Variants in ATP2B4 observed in about 807,000 individuals in gnomAD.
The protein encoded by ATP2B4 is ATPase plasma membrane Ca2+ transporting 4.
A neutral mutation model predicts 110.3 loss-of-function variants in ATP2B4; 39 were observed. The ratio of observed to expected loss-of-function variants is 0.35; its 90% CI spans 0.27 to 0.46. ATP2B4 has a LOEUF of 0.46. ATP2B4 is among the 20% of genes least tolerant of loss of function. The pLI is 1.00. For synonymous variants in ATP2B4, 538 were observed against 571.7 expected (o/e 0.94, Z 0.84); for missense variants, 1,135 against 1,530.9 (o/e 0.74, Z 4.32).
intron 15 of ATP2B4, among the ~76,000 whole-genome samples, chr1:203,717,140 G>A (rs562494042): frequency 6.6e-6 from 1 of 152,072 alleles, no homozygotes; most frequent in Non-Finnish European, 1.5e-5. Flanking sequence ...AGAGGTTGCA[G>A]TGAGCCAAGA....
chr1:203,706,494 G>A (rs1005274540), intron 8 of ATP2B4, among the ~76,000 whole-genome samples: 1 of 152,210 alleles, frequency 6.6e-6, no homozygotes, highest in East Asian at 1.9e-4. Context: ...CTAAGAGTTA[G>A]TCATGCAGGT....
chr1:203,653,983 ATAT>A (rs1375471488), intron 1 of ATP2B4, among the ~76,000 whole-genome samples: 450 of 14,596 alleles, frequency 0.031, 3 homozygotes, highest in African/African-American at 0.073. Flanking sequence ...ATATATATAT[ATAT>A]TTTTTTTTTT....
In ATP2B4 at chr1:203,710,835, G is replaced by A. The variant is rs373639977; in HGVS notation, c.1800-42G>A. 5.0e-5 allele frequency: 72 copies of A among 1,448,306 alleles called. 1 individual carries two copies. The highest frequency in any genetic ancestry group is 6.8e-5 in the Non-Finnish European group (71 of 1,041,996). The allele number at this position is 1,448,306 out of a possible 1,614,324, so 89.7% of individuals were successfully genotyped here. On this transcript the variant is annotated intron_variant, in intron 11 of 20. Transcript: ENST00000357681. The stretch of plus-strand genomic sequence containing the variant: ...GTCAATGATTGTAGAAACGTATTGA[G>A]TGGGAAGGGAGACACCGCGTTCTTA...
chr1:203,703,312 G>A (rs1376965076), intron 7 of ATP2B4, among the ~76,000 whole-genome samples: 2 of 152,144 alleles, frequency 1.3e-5, no homozygotes, highest in Admixed American at 1.3e-4. Flanking sequence ...AGGAAGGATG[G>A]TTGTTTTAAT....
In ATP2B4 at chr1:203,713,015, GT is replaced by G. The variant is rs1571752989; in HGVS notation, c.2212-147del. 5 of 813,200 alleles carry G rather than the reference GT, an allele frequency of 6.1e-6. No homozygotes were observed. In the East Asian group the frequency reaches 1.2e-4, roughly 20 times the overall value. 50.4% of individuals were successfully genotyped at this position (813,200 alleles called of 1,614,324 possible). A position where few individuals can be genotyped will look rare whatever the true frequency, so the allele number is the denominator to read the frequency against. On this transcript the variant is annotated intron_variant, in intron 13 of 20. Coordinates refer to ENST00000357681, the MANE Select transcript of ATP2B4 (RefSeq NM_001684.5). The stretch of plus-strand genomic sequence containing the variant: ...ATCTACCCTTGGAGACTGGTTGGCT[GT>G]TTCATCTCTGCTTAATCCAGAATAA...
rs958498107 is a variant in ATP2B4 at position 203,723,999 on chromosome 1, G to A, written c.3132+11G>A. ...CTTCTGTGGGGCCAGGTGAGTACCGGCACACCCTCCTGGTGCATTCTCACA... is the reference window on the plus strand; with the variant it reads ...CTTCTGTGGGGCCAGGTGAGTACCGACACACCCTCCTGGTGCATTCTCACA... On this transcript the variant is annotated intron_variant, in intron 19 of 20. Coordinates refer to ENST00000357681, the MANE Select transcript of ATP2B4 (RefSeq NM_001684.5). 2 of 1,600,530 alleles carry A rather than the reference G, an allele frequency of 1.2e-6. No individual in the cohort carries two copies. Among genetic ancestry groups the A allele is most frequent in the African/African-American group, 1.3e-5 (1 of 74,338 alleles).
intron 15 of ATP2B4, among the ~76,000 whole-genome samples, chr1:203,719,245 A>AAAAAAAAAAAAG (rs1558050066): frequency 1.0e-5 from 1 of 98,794 alleles, no homozygotes; most frequent in African/African-American, 3.5e-5. Context: ...AAAAAAAAAA[A>AAAAAAAAAAAAG]GCAAGAGAGA....
intron 9 of ATP2B4, among the ~76,000 whole-genome samples, chr1:203,707,557 A>G (rs576467059): frequency 1.3e-5 from 2 of 152,086 alleles, no homozygotes; most frequent in African/African-American, 4.8e-5. Flanking sequence ...CAGCCTCCCA[A>G]GTAGCTGGGA....
rs1286198820 is a variant in ATP2B4, at chr1:203,699,725, C to T, written c.649+8C>T. On this transcript the variant is annotated splice_region_variant and intron_variant, in intron 4 of 20. Transcript: ENST00000357681. ...TTGCCCAAGTCAAATACGGTGAGAG[C>T]TCCGTGTTTCTTTTGCTTACCCCAC... 6.2e-7 allele frequency: 1 copy of T among 1,612,048 alleles called. No homozygotes were observed. The highest frequency in any genetic ancestry group is 8.5e-7 in the Non-Finnish European group (1 of 1,178,748).
At position 203,713,069 on chromosome 1, in the gene ATP2B4, C is replaced by A. The variant is rs1666058429; in HGVS notation, c.2212-96C>A. The A allele has an allele frequency of 2.3e-6, 3 of 1,311,788 alleles. No individual in the cohort carries two copies. In the Admixed American group the frequency reaches 5.2e-5, roughly 23 times the overall value. 81.3% of individuals were successfully genotyped at this position (1,311,788 alleles called of 1,614,324 possible). On this transcript the variant is annotated intron_variant, in intron 13 of 20. Transcript: ENST00000357681. ...CTTTCATGTGGGACTGTGGTGTACC[C>A]AATCTCCCAGTGACTCCAAGTGTAT...
At chr1:203,726,354 C>T (rs1016418719) in intron 19 of ATP2B4, among the ~76,000 whole-genome samples, 1 of 152,068 alleles carries the variant, frequency 6.6e-6, no homozygotes, top group Non-Finnish European at 1.5e-5. Flanking sequence ...AGGCATGAAC[C>T]GCTGCACCCA....
chr1:203,740,161 C>A lies in ATP2B4; in HGVS notation c.*307C>A. ...TGACAATCCTCTTGGCATCACCCCA[C>A]CCCACATTCTCCCCGATGTTCCTCT... On this transcript the variant is annotated 3_prime_UTR_variant, in exon 21 of 21. Transcript: ENST00000357681. 3.2e-6 allele frequency: 1 copy of A among 311,762 alleles called. No homozygotes were observed. Among genetic ancestry groups the A allele is most frequent in the Non-Finnish European group, 5.9e-6 (1 of 168,282 alleles). The allele number at this position is 311,762 out of a possible 1,614,324, so 19.3% of individuals were successfully genotyped here.
At chr1:203,689,222 G>A (rs986066063) in intron 2 of ATP2B4, among the ~76,000 whole-genome samples, 1 of 152,218 alleles carries the variant, frequency 6.6e-6, no homozygotes, top group East Asian at 1.9e-4. Flanking sequence ...GTGGCTTAAG[G>A]GGAAGAAGGA....
chr1:203,719,456 T>A (rs1324528218), intron 15 of ATP2B4, among the ~76,000 whole-genome samples: 1 of 151,980 alleles, frequency 6.6e-6, no homozygotes, highest in East Asian at 1.9e-4. Context: ...ATGACTATAA[T>A]CCCAGCACTT....
At chr1:203,736,523 G>A (rs1235245574) in intron 20 of ATP2B4, among the ~76,000 whole-genome samples, 3 of 151,380 alleles carry the variant, frequency 2.0e-5, no homozygotes, top group African/African-American at 7.3e-5. Context: ...GTCTTCACCT[G>A]CCCACTCATT....
chr1:203,634,659 C>T (rs1032011351), intron 1 of ATP2B4, among the ~76,000 whole-genome samples: 4 of 152,096 alleles, frequency 2.6e-5, no homozygotes, highest in African/African-American at 9.7e-5. Context: ...AGAAATGCAT[C>T]TCTTTGTTTG....
At chr1:203,738,706 T>A (rs1013686735) in intron 20 of ATP2B4, among the ~76,000 whole-genome samples, 3 of 152,220 alleles carry the variant, frequency 2.0e-5, no homozygotes, top group African/African-American at 7.2e-5. Flanking sequence ...GCACAGTTGC[T>A]GTGTATCAGA....
chr1:203,739,711 G>T lies in ATP2B4; in HGVS notation c.3475G>T (p.Ala1159Ser). The change falls in exon 21 of 21, where the codon GCT becomes TCT. Residue 1159 changes from alanine to serine, a missense_variant. Coordinates refer to ENST00000357681, the MANE Select transcript of ATP2B4 (RefSeq NM_001684.5). ...GGAAGAGGAGGAAAATCCTGACAAG[G>T]CTTCTAAGTTTGGGACTAGGGTGCT... The part of the protein sequence containing the change: ...DEEEEENPDK[A>S]SKFGTRVLLL... 6.2e-7 allele frequency: 1 copy of T among 1,614,130 alleles called. No homozygotes were observed. Among genetic ancestry groups the T allele is most frequent in the East Asian group, 2.2e-5 (1 of 44,878 alleles).
chr1:203,673,957 G>A (rs186482292), intron 1 of ATP2B4, among the ~76,000 whole-genome samples: 173 of 152,284 alleles, frequency 1.1e-3, no homozygotes, highest in Non-Finnish European at 1.1e-3. Context: ...CCTAGGATCC[G>A]ATCCAGCTGC....
Sources: allele counts gnomAD v4.1 joint callset (sites outside exome capture counted in the v4.1 genomes callset), GRCh38; gene constraint gnomAD v4.1.1; transcripts MANE v1.5; gene names NCBI Gene and HGNC (gene_info 2026-07-23, HGNC 2026-07-21).